The following TMEM67 variants were observed in gnomAD, a reference collection of about 807,000 sequenced individuals.
TMEM67 encodes meckelin.
A neutral mutation model predicts 136.6 loss-of-function variants in TMEM67; 124 were observed. The ratio of observed to expected loss-of-function variants is 0.91; its 90% CI spans 0.78 to 1.05. The LOEUF is 1.05. Ranked by LOEUF, TMEM67 falls within the 50% of genes least tolerant of loss-of-function variation. The pLI is 0.00. For missense variants in TMEM67, 1,107 were observed against 1,178.4 expected (o/e 0.94, Z 0.89); for synonymous variants, 364 against 390.5 (o/e 0.93, Z 0.80).
chr8:93,823,383 G>T (rs1462575354), downstream of TMEM67, among the ~76,000 whole-genome samples: 1 of 152,082 alleles, frequency 6.6e-6, no homozygotes, highest in Non-Finnish European at 1.5e-5. Context: ...ATATTTATAG[G>T]CTCTGGGGAT....
chr8:93,780,494 CATCTTGGAACAGACCTGCACA>C, intron 7 of TMEM67, 78 bp from the exon 8 acceptor site: 2 of 1,347,444 alleles, frequency 1.5e-6, no homozygotes, highest in Non-Finnish European at 2.1e-6. Flanking sequence ...CCTACTCGGC[CATCTTGGAACAGACCTGCACA>C]AAGTAAAATT....
intron 1 of TMEM67, among the ~76,000 whole-genome samples, chr8:93,755,480 A>G (rs1586330888): frequency 6.6e-6 from 1 of 152,244 alleles, no homozygotes; most frequent in African/African-American, 2.4e-5. Flanking sequence ...TTTTGTACTC[A>G]TACTAACCCT....
chr8:93,806,116 A>G (rs556637903), intron 23 of TMEM67, among the ~76,000 whole-genome samples: 4 of 152,338 alleles, frequency 2.6e-5, no homozygotes, highest in African/African-American at 7.2e-5. Context: ...GCTGCCTCAC[A>G]GGATAAATGA....
Position 93,817,415 on chromosome 8 carries a change from T to C in TMEM67, c.*963T>C. On this transcript the variant is annotated 3_prime_UTR_variant, in exon 28 of 28. Transcript: ENST00000453321. ...ATGTGGTGGCCTGTAATCCCAGCTATTTGGGAGGCTGAGGCATGAGAATAG... is the reference window on the plus strand; with the variant it reads ...ATGTGGTGGCCTGTAATCCCAGCTACTTGGGAGGCTGAGGCATGAGAATAG... The C allele has an allele frequency of 6.6e-6, 1 of 152,246 alleles. No homozygotes were observed. Among genetic ancestry groups the C allele is most frequent in the Non-Finnish European group, 1.5e-5 (1 of 68,028 alleles). 9.4% of individuals were successfully genotyped at this position (152,246 alleles called of 1,614,324 possible).
Position 93,763,930 on chromosome 8 carries a change from T to C in TMEM67, c.495T>C (p.Ala165=). The C allele has an allele frequency of 1.9e-6, 3 of 1,611,070 alleles. No individual in the cohort carries two copies. Among genetic ancestry groups the C allele is most frequent in the Non-Finnish European group, 2.5e-6 (3 of 1,177,340 alleles). The change falls in exon 4 of 28, where the codon GCT becomes GCC. Residue 165 remains alanine, a synonymous_variant. Coordinates refer to ENST00000453321, the MANE Select transcript of TMEM67 (RefSeq NM_153704.6). ...AAAACTCTTTTATGGTAGTAAATGC[T>C]TTAGGAGACAGGTAAGCAGTGTGAT... The part of the protein sequence containing the change: ...GNENSFMVVN[A]LGDRCVRCEP...
Position 93,797,126 on chromosome 8 carries a change from A to G in TMEM67, c.1861-8A>G, listed in dbSNP as rs1814653665. The G allele has an allele frequency of 1.9e-6, 3 of 1,558,814 alleles. No individual in the cohort carries two copies. The highest frequency in any genetic ancestry group is 2.7e-6 in the Non-Finnish European group (3 of 1,130,928). On this transcript the variant is annotated splice_region_variant and splice_polypyrimidine_tract_variant and intron_variant, in intron 18 of 27. Coordinates refer to ENST00000453321, the MANE Select transcript of TMEM67 (RefSeq NM_153704.6). ...TTTTTCAGGTGTTTTATTATATGTC[A>G]TTCTCAGGCACTACAATTTTTGCAT...
chr8:93,769,680 A>G (rs1813247659), intron 6 of TMEM67: 1 of 167,036 alleles, frequency 6.0e-6, no homozygotes, highest in South Asian at 2.1e-4. Context: ...CAAGAATAAG[A>G]ACTCAGTTTT....
the TMEM67 span, among the ~76,000 whole-genome samples, chr8:93,826,123 CTTTTTTTTTTTT>C: frequency 4.4e-4 from 23 of 52,380 alleles, no homozygotes; most frequent in African/African-American, 1.2e-3. Context: ...TTAATCATGT[CTTTTTTTTTTTT>C]TTTTTTTTTT....
intron 26 of TMEM67, among the ~76,000 whole-genome samples, chr8:93,811,573 ATAAG>A (rs1808701453): frequency 6.6e-6 from 1 of 152,226 alleles, no homozygotes; most frequent in South Asian, 2.1e-4. Flanking sequence ...CAAGATGTAT[ATAAG>A]TTGATCACGG....
At chr8:93,803,809 G>T in intron 22 of TMEM67, 125 bp downstream of exon 22, 2 of 667,112 alleles carry the variant, frequency 3.0e-6, no homozygotes, top group South Asian at 1.5e-5. Flanking sequence ...TCCACTGGTT[G>T]TTAATTCCAG....
intron 7 of TMEM67, among the ~76,000 whole-genome samples, chr8:93,775,977 A>T (rs911100371): frequency 6.6e-6 from 1 of 152,182 alleles, no homozygotes; most frequent in African/African-American, 2.4e-5. Flanking sequence ...GATTCTTCCT[A>T]TCCATGAGCA....
chr8:93,814,243 T>C lies in TMEM67; in HGVS notation c.2765-1062T>C, dbSNP rs189422593. On this transcript the variant is annotated intron_variant, in intron 26 of 27. Coordinates refer to ENST00000453321, the MANE Select transcript of TMEM67 (RefSeq NM_153704.6). ...CAAGCTCCGCCTCCCAGGTTCATGC[T>C]ATTCTCCTGCCTCAGCCTCCTGAGT... is the stretch of plus-strand genomic sequence containing the variant. Among the ~76,000 whole-genome samples, 221 of 147,956 alleles carry C rather than the reference T, an allele frequency of 1.5e-3. 1 individual carries two copies. The highest frequency in any genetic ancestry group is 5.3e-3 in the African/African-American group (212 of 40,234).
chr8:93,776,476 T>C (rs1220041808), intron 7 of TMEM67, among the ~76,000 whole-genome samples: 3 of 152,240 alleles, frequency 2.0e-5, no homozygotes, highest in African/African-American at 4.8e-5. Context: ...CAGTATGATA[T>C]TGGCTGTAGG....
intron 21 of TMEM67, among the ~76,000 whole-genome samples, chr8:93,800,729 G>A (rs1056237716): frequency 1.3e-5 from 2 of 152,108 alleles, no homozygotes; most frequent in African/African-American, 2.4e-5. Flanking sequence ...GTCAATAGTG[G>A]GGCTCTGAAG....
chr8:93,809,971 C>CTTT, intron 26 of TMEM67, 84 bp downstream of exon 26: 34 of 588,606 alleles, frequency 5.8e-5, no homozygotes, highest in Non-Finnish European at 7.7e-5. Flanking sequence ...TTCTTTTTTT[C>CTTT]TTTTTTTTTT....
intron 26 of TMEM67, among the ~76,000 whole-genome samples, chr8:93,814,089 A>G (rs570179608): frequency 6.8e-6 from 1 of 145,994 alleles, no homozygotes; most frequent in African/African-American, 2.5e-5. Context: ...GGTTCTCTGG[A>G]TTTCCCTGAA....
In TMEM67 at chr8:93,797,478, CTGTT is replaced by C. The variant is rs769252501; in HGVS notation, c.2100+11_2100+14del. On this transcript the variant is annotated intron_variant, in intron 20 of 27. Transcript: ENST00000453321. ...GTCCTCTTCTTTTTGGAGGTATAAA[CTGTT>C]TGATGTGATTATATGCGACTTACAT... 2.5e-6 allele frequency: 4 copies of C among 1,612,248 alleles called. No homozygotes were observed. Among genetic ancestry groups the C allele is most frequent in the Non-Finnish European group, 3.4e-6 (4 of 1,178,874 alleles).
chr8:93,791,219 C>A, intron 14 of TMEM67, 44 bp from the exon 15 acceptor site: 1 of 1,291,780 alleles, frequency 7.7e-7, no homozygotes, highest in South Asian at 1.2e-5. Flanking sequence ...AAGTTTGTAT[C>A]ATATAATTTC....
chr8:93,809,263 C>T, intron 25 of TMEM67, 102 bp downstream of exon 25: 1 of 755,370 alleles, frequency 1.3e-6, no homozygotes, highest in Admixed American at 1.8e-5. Flanking sequence ...AGTCAGTAAA[C>T]TTAGAACCCC....
Sources: gnomAD v4.1 joint callset for allele counts (sites outside exome capture counted in the v4.1 genomes callset) on GRCh38, gnomAD v4.1.1 for gene constraint, MANE v1.5 for transcripts, NCBI Gene and HGNC (gene_info 2026-07-23, HGNC 2026-07-21) for gene names.